Variants in DAAM2 observed in about 807,000 individuals in gnomAD.
DAAM2 encodes disheveled-associated activator of morphogenesis 2.
In DAAM2, 39 loss-of-function variants were observed where a neutral mutation model predicts 120.7. The ratio of observed to expected loss-of-function variants is 0.32; its 90% CI spans 0.25 to 0.42. DAAM2 has a LOEUF of 0.42. Among genes scored for constraint, DAAM2 ranks in the 10% least tolerant of loss-of-function variants. The pLI, the probability that DAAM2 is intolerant of heterozygous loss-of-function variation, is 1.00. For missense variants in DAAM2, 1,283 were observed against 1,401.7 expected (o/e 0.92, Z 1.35); for synonymous variants, 488 against 524.9 (o/e 0.93, Z 0.96).
chr6:39,856,146 C>A (rs1763992343), intron 1 of DAAM2, 101 bp from the exon 2 acceptor site: 1 of 1,267,982 alleles, frequency 7.9e-7, no homozygotes, highest in African/African-American at 1.6e-5. Context: ...GTTGAGGGCT[C>A]CCAGCAACCT....
At chr6:39,830,824 T>C (rs1762855297) in intron 1 of DAAM2, among the ~76,000 whole-genome samples, 1 of 152,154 alleles carries the variant, frequency 6.6e-6, no homozygotes, top group Admixed American at 6.5e-5. Flanking sequence ...TCCACCTGGA[T>C]AGCTGCCAGT....
intron 1 of DAAM2, among the ~76,000 whole-genome samples, chr6:39,834,134 G>A (rs1257047736): frequency 6.6e-6 from 1 of 152,190 alleles, no homozygotes; most frequent in Non-Finnish European, 1.5e-5. Flanking sequence ...GTGTGATGTA[G>A]CGCCTTGAAT....
At chr6:39,887,700 G>A (rs577770715) in intron 16 of DAAM2, 108 bp downstream of exon 16, 2 of 731,396 alleles carry the variant, frequency 2.7e-6, no homozygotes, top group South Asian at 3.3e-5. Context: ...CCCCTGGGAG[G>A]GGCAGGCATT....
At chr6:39,888,814 G>C in intron 17 of DAAM2, 51 bp downstream of exon 17, 1 of 1,457,264 alleles carries the variant, frequency 6.9e-7, no homozygotes, top group South Asian at 1.2e-5. Context: ...GGGCAGCCAC[G>C]CCCCTTCCCA....
intron 1 of DAAM2, 164 bp from the exon 2 acceptor site, chr6:39,856,083 G>A: frequency 1.0e-6 from 1 of 984,864 alleles, no homozygotes; most frequent in Non-Finnish European, 1.2e-6. Context: ...AGGGAACAGA[G>A]GGATGCTGTG....
chr6:39,868,743 C>A, intron 6 of DAAM2, 80 bp from the exon 7 acceptor site: 3 of 1,013,236 alleles, frequency 3.0e-6, no homozygotes, highest in Non-Finnish European at 4.5e-6. Context: ...GTAGTGGAGG[C>A]GACAGGAGTA....
intron 8 of DAAM2, among the ~76,000 whole-genome samples, chr6:39,871,098 G>A (rs557413347): frequency 1.3e-5 from 2 of 152,312 alleles, no homozygotes; most frequent in South Asian, 4.1e-4. Flanking sequence ...GTCCTCAACT[G>A]AGAGACATTG....
intron 1 of DAAM2, among the ~76,000 whole-genome samples, chr6:39,829,048 G>A (rs1210821054): frequency 2.6e-5 from 4 of 152,236 alleles, no homozygotes; most frequent in African/African-American, 7.2e-5. Flanking sequence ...AGAGATGCAA[G>A]GAGAATTTAT....
At chr6:39,888,582 C>T (rs528024281) in intron 16 of DAAM2, 97 bp from the exon 17 acceptor site, 35 of 984,404 alleles carry the variant, frequency 3.6e-5, no homozygotes, top group Non-Finnish European at 5.4e-5. Context: ...TAAATATATT[C>T]CCAAGTCCTG....
Position 39,902,167 on chromosome 6 carries a change from G to T in DAAM2, c.*130G>T, listed in dbSNP as rs1285278433. 1.4e-6 allele frequency: 1 copy of T among 699,438 alleles called. No homozygotes were observed. 43.3% of individuals were successfully genotyped at this position (699,438 alleles called of 1,614,324 possible). Reference sequence around the variant, plus strand: ...CCTTGGGCTGGGTCCTGGGATGGGGGGCTGTGTGTGGCTGGACCAGGTGTC... The same window carrying T: ...CCTTGGGCTGGGTCCTGGGATGGGGTGCTGTGTGTGGCTGGACCAGGTGTC... On this transcript the variant is annotated 3_prime_UTR_variant, in exon 25 of 25. Transcript: ENST00000274867.
At position 39,901,756 on chromosome 6, in the gene DAAM2, C is replaced by A; in HGVS notation, c.2983-57C>A. 7.0e-7 allele frequency: 1 copy of A among 1,434,772 alleles called. No individual in the cohort carries two copies. Among genetic ancestry groups the A allele is most frequent in the South Asian group, 1.4e-5 (1 of 69,818 alleles). 88.9% of individuals were successfully genotyped at this position (1,434,772 alleles called of 1,614,324 possible). ...GAGTTAGCCCAGGGTTGGGGGGCTG[C>A]CCTGGCCTCAGCGCCTCTCCCTGAG... On this transcript the variant is annotated intron_variant, in intron 24 of 24. Coordinates refer to ENST00000274867, the MANE Select transcript of DAAM2 (RefSeq NM_001201427.2). The surrounding 1 kb of genome is among the most constrained non-coding windows in gnomAD (Gnocchi z 4.5).
rs761323333 is a variant in DAAM2 at position 39,867,723 on chromosome 6, G to C, written c.642G>C (p.Lys214Asn). Residue 214 changes from lysine (K) to asparagine (N), a missense_variant, in exon 6 of 25, where the codon AAG (lysine) becomes AAC (asparagine). By Grantham distance (94) the Lys-to-Asn change is moderately conservative. Around this residue, in one of 3 missense-constraint regions of DAAM2, gnomAD observed 338 missense variants for 443.9 expected, o/e 0.76. Coordinates refer to ENST00000274867, the MANE Select transcript of DAAM2 (RefSeq NM_001201427.2). ...AGAGCCTACGCACAGAGAACAGCAAGACCAAGGTGGCTGTGCTGGAGATCC... is the reference window on the plus strand; with the variant it reads ...AGAGCCTACGCACAGAGAACAGCAACACCAAGGTGGCTGTGCTGGAGATCC... ...IAQSLRTENSKTKVAVLEILG... is the reference protein window; with the variant it reads ...IAQSLRTENSNTKVAVLEILG... The C allele has an allele frequency of 6.2e-7, 1 of 1,614,040 alleles. No individual in the cohort carries two copies. The highest frequency in any genetic ancestry group is 8.5e-7 in the Non-Finnish European group (1 of 1,179,916).
intron 1 of DAAM2, among the ~76,000 whole-genome samples, chr6:39,846,997 C>G (rs1021104312): frequency 2.0e-5 from 3 of 152,208 alleles, no homozygotes; most frequent in African/African-American, 7.2e-5. Flanking sequence ...ACTGCCCCAT[C>G]CCAGTCTGCC....
intron 1 of DAAM2, among the ~76,000 whole-genome samples, chr6:39,804,374 T>C (rs751509323): frequency 8.6e-5 from 12 of 140,336 alleles, no homozygotes; most frequent in Non-Finnish European, 1.7e-4. Flanking sequence ...TTGTTGACTG[T>C]ATGTATCAAT....
intron 15 of DAAM2, chr6:39,887,080 T>C (rs1310436471): frequency 6.0e-6 from 1 of 165,784 alleles, no homozygotes; most frequent in Non-Finnish European, 1.3e-5. Context: ...GGAGGGCCTC[T>C]GGGTTGGGCA....
Position 39,855,878 on chromosome 6 carries a change from C to T in DAAM2, c.-56-369C>T, listed in dbSNP as rs147573865. 3.3e-4 allele frequency among the ~76,000 whole-genome samples: 51 copies of T among 152,294 alleles called. No homozygotes were observed. The East Asian group carries it at 5.0e-3, about 15-fold the overall frequency. ...TGAGCCTTGCTGGAAGCTGATCTTA[C>T]GGAAGACAGGGAATAGGAGCCCGTC... On this transcript the variant is annotated intron_variant, in intron 1 of 24. Coordinates refer to ENST00000274867, the MANE Select transcript of DAAM2 (RefSeq NM_001201427.2).
intron 1 of DAAM2, among the ~76,000 whole-genome samples, chr6:39,842,461 G>A (rs761457412): frequency 7.9e-5 from 12 of 151,988 alleles, no homozygotes; most frequent in Middle Eastern, 3.2e-3. Context: ...GTGAAATCCC[G>A]TCTCTACTAA....
rs998292753 is a variant in DAAM2 at position 39,878,673 on chromosome 6, C to T, written c.1545+85C>T. ...TGGGCAGAGCAGGTGTCGGAGAGGC[C>T]AAGGACCCCAGCATGAGGGAGAAGG... On this transcript the variant is annotated intron_variant, in intron 13 of 24. Coordinates refer to ENST00000274867, the MANE Select transcript of DAAM2 (RefSeq NM_001201427.2). The surrounding 1 kb of genome is among the most constrained non-coding windows in gnomAD (Gnocchi z 5.0). 17 of 1,372,302 alleles carry T rather than the reference C, an allele frequency of 1.2e-5. No individual in the cohort carries two copies. The highest frequency in any genetic ancestry group is 1.7e-5 in the Non-Finnish European group (17 of 1,009,820). 85.0% of individuals were successfully genotyped at this position (1,372,302 alleles called of 1,614,324 possible). A position where few individuals can be genotyped will look rare whatever the true frequency, so the allele number is the denominator to read the frequency against.
chr6:39,828,054 C>G (rs551745346), intron 1 of DAAM2, among the ~76,000 whole-genome samples: 1 of 152,338 alleles, frequency 6.6e-6, no homozygotes, highest in Non-Finnish European at 1.5e-5. Flanking sequence ...TCCCACAGGC[C>G]TGTCCCTGAT....
Sources: gnomAD v4.1 joint callset for allele counts (sites outside exome capture counted in the v4.1 genomes callset) on GRCh38, gnomAD v4.1.1 for gene constraint, gnomAD v4.1.1 regional missense constraint, Gnocchi (gnomAD v3.1) non-coding constraint, MANE v1.5 for transcripts, NCBI Gene and HGNC (gene_info 2026-07-23, HGNC 2026-07-21) for gene names.